Variants in SLC9A7 observed in about 807,000 individuals in gnomAD.
SLC9A7 encodes solute carrier family 9 member A7, also known as sodium/hydrogen exchanger 7.
SLC9A7 carries 19 observed loss-of-function variants against 52.6 expected under a neutral mutation model. The observed-to-expected ratio is 0.36, with a 90% CI of 0.25 to 0.53. SLC9A7 has a LOEUF of 0.53. Ranked by LOEUF, SLC9A7 falls within the 20% of genes least tolerant of loss-of-function variation. The probability of loss-of-function intolerance (pLI) is 0.91; values close to 1 mark genes in which losing one functional copy is unlikely to be tolerated. For synonymous variants in SLC9A7, 226 were observed against 252.1 expected, an observed-to-expected ratio of 0.90 and a Z score of 0.98; for missense variants, 455 against 597.9, an observed-to-expected ratio of 0.76 and a Z score of 2.49.
chrX:46,607,276 C>A, intron 16 of SLC9A7, 73 bp from the exon 17 acceptor site: 1 of 1,086,668 alleles, frequency 9.2e-7, no homozygotes, highest in East Asian at 3.1e-5. Context: ...CAACCCCAAT[C>A]CCAATCCCAA....
At chrX:46,701,867 A>C (rs936487118) in intron 1 of SLC9A7, among the ~76,000 whole-genome samples, 1 of 111,533 alleles carries the variant, frequency 9.0e-6, no homozygotes, top group African/African-American at 3.3e-5. Flanking sequence ...TCTACTGGAC[A>C]TCTGGGTGTC....
In SLC9A7 at chrX:46,688,377, C is replaced by G. The variant is rs1424834039; in HGVS notation, c.326-5842G>C. The stretch of plus-strand genomic sequence containing the variant: ...CTTTGGGAGGCCGAGGCGGGCAGAT[C>G]ACCTGAGATCAGGAGCTCGAGACCA... On this transcript the variant is annotated intron_variant, in intron 1 of 16. Coordinates refer to ENST00000616978, the MANE Select transcript of SLC9A7 (RefSeq NM_001257291.2). 5.4e-5 allele frequency among the ~76,000 whole-genome samples: 6 copies of G among 111,364 alleles called. No homozygotes were observed. In the East Asian group the frequency reaches 1.7e-3, roughly 31 times the overall value.
At chrX:46,664,370 C>G (rs1016532607) in intron 5 of SLC9A7, among the ~76,000 whole-genome samples, 92 of 111,507 alleles carry the variant, frequency 8.3e-4, no homozygotes, top group African/African-American at 2.7e-3. Flanking sequence ...TAGTGGAAGC[C>G]GGGACATCAG....
intron 10 of SLC9A7, 103 bp downstream of exon 10, chrX:46,651,007 A>G: frequency 7.5e-6 from 2 of 266,299 alleles, no homozygotes; most frequent in Non-Finnish European, 1.3e-5. Context: ...TTATATTATT[A>G]TATTATTGTT....
rs1439519881 is a variant in SLC9A7, at chrX:46,612,545, A to G, written c.1929+744T>C. Among the ~76,000 whole-genome samples, 11 of 112,067 alleles carry G rather than the reference A, an allele frequency of 9.8e-5. No individual in the cohort carries two copies. The Admixed American group carries it at 1.0e-3, about 11-fold the overall frequency. Reference sequence around the variant, plus strand: ...AACTATTTAGAAAAGGAATCCTTGCATGCTTTGTGGTTCAGTGTATCTTCA... The same window carrying G: ...AACTATTTAGAAAAGGAATCCTTGCGTGCTTTGTGGTTCAGTGTATCTTCA... On this transcript the variant is annotated intron_variant, in intron 16 of 16. Coordinates refer to ENST00000616978, the MANE Select transcript of SLC9A7 (RefSeq NM_001257291.2).
intron 5 of SLC9A7, among the ~76,000 whole-genome samples, chrX:46,665,898 C>A (rs2146827041): frequency 9.0e-6 from 1 of 110,836 alleles, no homozygotes; most frequent in East Asian, 2.8e-4. Context: ...CAAAAGCCCA[C>A]AAAGATGGCA....
intron 1 of SLC9A7, among the ~76,000 whole-genome samples, chrX:46,741,549 T>A (rs1245716131): frequency 9.0e-6 from 1 of 111,433 alleles, no homozygotes; most frequent in Non-Finnish European, 1.9e-5. Flanking sequence ...TCAACAACAA[T>A]CTTTTGGAAC....
chrX:46,705,445 C>T (rs1944589538), intron 1 of SLC9A7, among the ~76,000 whole-genome samples: 1 of 112,149 alleles, frequency 8.9e-6, no homozygotes, highest in African/African-American at 3.2e-5. Context: ...TAAAATCACA[C>T]CTCCAATTAA....
At chrX:46,723,296 T>C (rs1372581884) in intron 1 of SLC9A7, among the ~76,000 whole-genome samples, 2 of 16,481 alleles carry the variant, frequency 1.2e-4, no homozygotes, top group African/African-American at 2.7e-4. Flanking sequence ...ATAAGATTTC[T>C]ACAAAAAAAA....
intron 13 of SLC9A7, among the ~76,000 whole-genome samples, chrX:46,634,985 C>T (rs1379201532): frequency 9.0e-6 from 1 of 111,152 alleles, no homozygotes; most frequent in East Asian, 2.8e-4. Context: ...ACATCACCAC[C>T]CTTAAGCATA....
chrX:46,608,126 C>A (rs753826416), intron 16 of SLC9A7, among the ~76,000 whole-genome samples: 3 of 112,747 alleles, frequency 2.7e-5, no homozygotes, highest in African/African-American at 9.7e-5. Context: ...CGCAGTCACA[C>A]TGCCCAAGGC....
Position 46,662,588 on chromosome X carries a change from A to C in SLC9A7, c.849T>G (p.Leu283=). ...ELHADVDLYA[L]LFGESVLNDA... Reference sequence around the variant, plus strand: ...CATTTAGGACGCTCTCTCCAAAAAGAAGTGCGTAAAGATCCACGTCTGCAT... The same window carrying C: ...CATTTAGGACGCTCTCTCCAAAAAGCAGTGCGTAAAGATCCACGTCTGCAT... Residue 283 remains leucine (L), a synonymous_variant, in exon 6 of 17, where the codon CTT becomes CTG. Transcript: ENST00000616978. 1 of 1,210,662 alleles carries C rather than the reference A, an allele frequency of 8.3e-7. No individual in the cohort carries two copies. Among genetic ancestry groups the C allele is most frequent in the East Asian group, 3.0e-5 (1 of 33,845 alleles).
At chrX:46,718,849 G>A (rs1287079945) in intron 1 of SLC9A7, among the ~76,000 whole-genome samples, 1 of 111,886 alleles carries the variant, frequency 8.9e-6, no homozygotes, top group Admixed American at 9.4e-5. Flanking sequence ...ACTGTTGGTG[G>A]GACTGTAAAC....
Position 46,745,485 on chromosome X carries a change from C to CTGGATA in SLC9A7, c.325+13219_325+13220insTATCCA, listed in dbSNP as rs1443485292. On this transcript the variant is annotated intron_variant, in intron 1 of 16. Coordinates refer to ENST00000616978, the MANE Select transcript of SLC9A7 (RefSeq NM_001257291.2). ...TTCAAAGGAAAAAAATTGATAGAAA[C>CTGGATA]TATCCCTGAGGAGGCTGAGACACTG... is the stretch of plus-strand genomic sequence containing the variant. Among the ~76,000 whole-genome samples the CTGGATA allele has an allele frequency of 2.5e-4, 28 of 111,888 alleles. No homozygotes were observed. In the South Asian group the frequency reaches 0.01, roughly 42 times the overall value.
chrX:46,724,061 C>T (rs1944905631), intron 1 of SLC9A7, among the ~76,000 whole-genome samples: 1 of 112,481 alleles, frequency 8.9e-6, no homozygotes, highest in Admixed American at 9.4e-5. Flanking sequence ...CCACTGCACT[C>T]CAGCCTGGGC....
At position 46,656,717 on chromosome X, in the gene SLC9A7, T is replaced by C. The variant is rs1340022118; in HGVS notation, c.1042-3003A>G. The stretch of plus-strand genomic sequence containing the variant: ...AGCAAAGCCTCCAAGAAATATGGGA[T>C]TATGTGAAAAGACCAAATCTACATC... On this transcript the variant is annotated intron_variant, in intron 7 of 16. Transcript: ENST00000616978. 5.4e-5 allele frequency among the ~76,000 whole-genome samples: 6 copies of C among 110,906 alleles called. No individual in the cohort carries two copies. The East Asian group carries it at 1.7e-3, about 32-fold the overall frequency.
chrX:46,632,029 T>C (rs1943230928), intron 13 of SLC9A7, among the ~76,000 whole-genome samples: 1 of 112,095 alleles, frequency 8.9e-6, no homozygotes, highest in Non-Finnish European at 1.9e-5. Context: ...TGCTTTAATT[T>C]CTCTAACATT....
chrX:46,654,516 C>T (rs753071941), intron 7 of SLC9A7, among the ~76,000 whole-genome samples: 5 of 111,415 alleles, frequency 4.5e-5, no homozygotes, highest in African/African-American at 1.6e-4. Context: ...AACTAGTTTT[C>T]TGTGCTCCTT....
chrX:46,694,114 T>C (rs1944416971), intron 1 of SLC9A7, among the ~76,000 whole-genome samples: 1 of 109,510 alleles, frequency 9.1e-6, no homozygotes, highest in South Asian at 3.9e-4. Context: ...CTGGGTGCAA[T>C]ATACTCATGT....
Sources: gnomAD v4.1 joint callset for allele counts (sites outside exome capture counted in the v4.1 genomes callset) on GRCh38, gnomAD v4.1.1 for gene constraint, MANE v1.5 for transcripts, NCBI Gene and HGNC (gene_info 2026-07-23, HGNC 2026-07-21) for gene names.